The following LRFN5 variants were observed in gnomAD, a reference collection of about 807,000 sequenced individuals.
The protein encoded by LRFN5 is leucine-rich repeat and fibronectin type-III domain-containing protein 5.
A neutral mutation model predicts 45.6 loss-of-function variants in LRFN5; 24 were observed. The observed-to-expected ratio is 0.53, with a 90% CI of 0.38 to 0.74. The LOEUF is 0.74. Among genes scored for constraint, LRFN5 ranks in the 30% least tolerant of loss-of-function variants. LRFN5 has a pLI of 0.00. For missense variants in LRFN5, 776 were observed against 861.5 expected (o/e 0.90, Z 1.24); for synonymous variants, 340 against 313.8 (o/e 1.08, Z -0.88).
chr14:41,875,357 T>G (rs1218737774), intron 2 of LRFN5, among the ~76,000 whole-genome samples: 1 of 152,254 alleles, frequency 6.6e-6, no homozygotes, highest in Non-Finnish European at 1.5e-5. Context: ...TCACAGCCTC[T>G]TAGCACTAGC....
At chr14:41,711,237 G>A (rs1247054004) in intron 1 of LRFN5, among the ~76,000 whole-genome samples, 1 of 152,046 alleles carries the variant, frequency 6.6e-6, no homozygotes, top group Non-Finnish European at 1.5e-5. Context: ...TTCAGGAATC[G>A]AATGAGTATT....
intron 2 of LRFN5, among the ~76,000 whole-genome samples, chr14:41,779,278 T>C (rs1233731272): frequency 3.3e-5 from 5 of 151,884 alleles, no homozygotes; most frequent in African/African-American, 1.2e-4. Flanking sequence ...CTTTAGCTTG[T>C]GATGGATTAC....
At chr14:41,804,461 G>T (rs1242008672) in intron 2 of LRFN5, among the ~76,000 whole-genome samples, 1 of 152,082 alleles carries the variant, frequency 6.6e-6, no homozygotes, top group Non-Finnish European at 1.5e-5. Flanking sequence ...GAGTAACTGG[G>T]GAAGTTGCAA....
chr14:41,622,920 A>G (rs1264163200), intron 1 of LRFN5, among the ~76,000 whole-genome samples: 3 of 152,136 alleles, frequency 2.0e-5, no homozygotes, highest in African/African-American at 4.8e-5. Context: ...GCTTTGTACA[A>G]TAATTTAATT....
At chr14:41,895,519 G>A (rs966394132) in intron 4 of LRFN5, among the ~76,000 whole-genome samples, 1 of 152,078 alleles carries the variant, frequency 6.6e-6, no homozygotes, top group Admixed American at 6.6e-5. Context: ...CAGCTACTCA[G>A]GAGGCTGAGG....
chr14:41,844,390 T>G (rs189878535), intron 2 of LRFN5, among the ~76,000 whole-genome samples: 2 of 150,672 alleles, frequency 1.3e-5, no homozygotes. Flanking sequence ...TGAGCGGAGA[T>G]CTTGCCACCA....
At chr14:41,853,257 G>T (rs1367734643) in intron 2 of LRFN5, among the ~76,000 whole-genome samples, 1 of 151,908 alleles carries the variant, frequency 6.6e-6, no homozygotes, top group Non-Finnish European at 1.5e-5. Flanking sequence ...TATACAACAA[G>T]TGCCACCTTA....
At chr14:41,792,199 A>G (rs1189976879) in intron 2 of LRFN5, among the ~76,000 whole-genome samples, 1 of 152,048 alleles carries the variant, frequency 6.6e-6, no homozygotes, top group Non-Finnish European at 1.5e-5. Context: ...GGTGTAAAGC[A>G]GGGAGTAGGT....
intron 1 of LRFN5, among the ~76,000 whole-genome samples, chr14:41,738,524 C>T (rs1884546300): frequency 6.6e-6 from 1 of 152,164 alleles, no homozygotes; most frequent in South Asian, 2.1e-4. Context: ...TTTTAAATGA[C>T]AGGATTCTGG....
At chr14:41,718,642 T>C (rs774740697) in intron 1 of LRFN5, among the ~76,000 whole-genome samples, 1 of 152,180 alleles carries the variant, frequency 6.6e-6, no homozygotes, top group Non-Finnish European at 1.5e-5. Context: ...GCATAGTCAG[T>C]TCCCTCAAAT....
At chr14:41,739,878 G>T (rs1346778729) in intron 1 of LRFN5, among the ~76,000 whole-genome samples, 1 of 151,832 alleles carries the variant, frequency 6.6e-6, no homozygotes, top group Non-Finnish European at 1.5e-5. Context: ...AATCATAACT[G>T]ATACCACAGA....
chr14:41,833,359 T>A (rs2139037563), intron 2 of LRFN5, among the ~76,000 whole-genome samples: 1 of 152,306 alleles, frequency 6.6e-6, no homozygotes, highest in Middle Eastern at 3.4e-3. Context: ...GTTCTCTGGA[T>A]TCAATCAGAG....
intron 2 of LRFN5, among the ~76,000 whole-genome samples, chr14:41,816,413 A>G (rs1466230197): frequency 6.6e-6 from 1 of 151,652 alleles, no homozygotes; most frequent in Non-Finnish European, 1.5e-5. Context: ...GGCCTTTATT[A>G]TTTTCTTTCT....
intron 2 of LRFN5, among the ~76,000 whole-genome samples, chr14:41,811,698 A>C (rs748596829): frequency 2.0e-5 from 3 of 152,106 alleles, no homozygotes; most frequent in Non-Finnish European, 2.9e-5. Flanking sequence ...TTGGTATGAA[A>C]TGTCCAGAAT....
At chr14:41,828,889 AG>A (rs1203430348) in intron 2 of LRFN5, among the ~76,000 whole-genome samples, 1 of 151,980 alleles carries the variant, frequency 6.6e-6, no homozygotes, top group Non-Finnish European at 1.5e-5. Context: ...TCCTTACAAC[AG>A]GCATCAGATT....
Position 41,852,995 on chromosome 14 carries a change from T to C in LRFN5, c.-20-33611T>C, listed in dbSNP as rs1396411077. Among the ~76,000 whole-genome samples, 5 of 152,042 alleles carry C rather than the reference T, an allele frequency of 3.3e-5. No individual in the cohort carries two copies. The East Asian group carries it at 7.7e-4, about 23-fold the overall frequency. ...ATAAGATAATTAAAACACATTAATG[T>C]ATCTCTTATCTACAGACACTATCTT... On this transcript the variant is annotated intron_variant, in intron 2 of 5. Coordinates refer to ENST00000298119, the MANE Select transcript of LRFN5 (RefSeq NM_152447.5).
At chr14:41,649,200 A>C (rs1330056512) in intron 1 of LRFN5, among the ~76,000 whole-genome samples, 1 of 152,114 alleles carries the variant, frequency 6.6e-6, no homozygotes, top group Admixed American at 6.6e-5. Context: ...GCGCCACTGC[A>C]CTTCAACCTG....
At chr14:41,671,511 G>A (rs960612515) in intron 1 of LRFN5, among the ~76,000 whole-genome samples, 1 of 150,316 alleles carries the variant, frequency 6.7e-6, no homozygotes, top group Non-Finnish European at 1.5e-5. Context: ...TCTTTTCAAA[G>A]TGGTTAATTA....
At chr14:41,730,500 A>G (rs116745853) in intron 1 of LRFN5, among the ~76,000 whole-genome samples, 1,769 of 152,102 alleles carry the variant, frequency 0.012, 35 homozygotes, top group African/African-American at 0.039. Context: ...TGATTTACAA[A>G]CCATTCTTAT....
Sources: allele counts gnomAD v4.1 joint callset (sites outside exome capture counted in the v4.1 genomes callset), GRCh38; gene constraint gnomAD v4.1.1; transcripts MANE v1.5; gene names NCBI Gene and HGNC (gene_info 2026-07-23, HGNC 2026-07-21).